PIGN: variants seen among roughly 807,000 people sequenced by gnomAD.
The protein encoded by PIGN is phosphatidylinositol glycan anchor biosynthesis class N, also known as GPI ethanolamine phosphate transferase 1.
Under a neutral mutation model 125.4 loss-of-function variants are expected in PIGN, and 117 were observed. The ratio of observed to expected loss-of-function variants is 0.93; its 90% CI spans 0.80 to 1.09. The LOEUF is 1.09. PIGN is among the 50% of genes least tolerant of loss of function. PIGN has a pLI of 0.00. For missense variants in PIGN, 1,075 were observed against 1,094.9 expected (o/e 0.98, Z 0.26); for synonymous variants, 392 against 377.8 (o/e 1.04, Z -0.44).
intron 28 of PIGN, among the ~76,000 whole-genome samples, chr18:62,079,192 A>T (rs1457172107): frequency 6.6e-6 from 1 of 152,218 alleles, no homozygotes; most frequent in Non-Finnish European, 1.5e-5. Context: ...TAAAGACCAT[A>T]TTAAGGTTTT....
chr18:62,119,002 C>T (rs1200427500), intron 14 of PIGN, among the ~76,000 whole-genome samples: 2 of 151,806 alleles, frequency 1.3e-5, no homozygotes, highest in African/African-American at 4.8e-5. Context: ...GTACAAGAGA[C>T]AAAAATTGGT....
At position 62,109,832 on chromosome 18, in the gene PIGN, A is replaced by G; in HGVS notation, c.1574+2T>C. On this transcript the variant is annotated splice_donor_variant, in intron 17 of 30. Transcript: ENST00000640252. LOFTEE classifies it high-confidence loss of function. ...AACAAGGCAGCAAGATGCATTACTT[A>G]CTCTCTTAGAACCGCATACCATATT... 1.9e-6 allele frequency: 3 copies of G among 1,596,944 alleles called. No homozygotes were observed. Among genetic ancestry groups the G allele is most frequent in the Non-Finnish European group, 2.6e-6 (3 of 1,170,618 alleles).
intron 14 of PIGN, among the ~76,000 whole-genome samples, chr18:62,132,471 T>TA (rs950383573): frequency 3.3e-5 from 5 of 152,176 alleles, no homozygotes; most frequent in African/African-American, 9.7e-5. Flanking sequence ...CCTAAATGAT[T>TA]AAAAAATAAT....
chr18:62,026,022 C>G lies in PIGN; in HGVS notation c.2143-8281G>C, dbSNP rs950958642. On this transcript the variant is annotated intron_variant, in intron 23 of 24. Coordinates refer to the PIGN transcript ENST00000639600. Reference sequence around the variant, plus strand: ...AATCTACCCAATCCCTGCACCTTGTCGGAAGTTATTGGTGTCCCTCCTGAG... The same window carrying G: ...AATCTACCCAATCCCTGCACCTTGTGGGAAGTTATTGGTGTCCCTCCTGAG... Among the ~76,000 whole-genome samples, 7 of 152,270 alleles carry G rather than the reference C, an allele frequency of 4.6e-5. No homozygotes were observed. The South Asian group carries it at 1.2e-3, about 27-fold the overall frequency.
chr18:62,093,659 C>T (rs1252461368), intron 23 of PIGN, among the ~76,000 whole-genome samples: 6 of 152,118 alleles, frequency 3.9e-5, no homozygotes, highest in Non-Finnish European at 7.4e-5. Flanking sequence ...AAAAATGAAT[C>T]TTCTTTATTC....
chr18:62,046,193 G>A (rs2030665683), intron 30 of PIGN, among the ~76,000 whole-genome samples: 1 of 152,106 alleles, frequency 6.6e-6, no homozygotes, highest in Admixed American at 6.5e-5. Flanking sequence ...CTGGTTCCAG[G>A]ACCTTCCACG....
intron 11 of PIGN, among the ~76,000 whole-genome samples, chr18:62,142,379 G>T (rs1409227436): frequency 6.6e-6 from 1 of 152,190 alleles, no homozygotes; most frequent in Non-Finnish European, 1.5e-5. Context: ...TTATGATCTG[G>T]TCTGGCTATG....
At chr18:62,112,658 A>ATT (rs1181246152) in intron 16 of PIGN, 1 of 153,642 alleles carries the variant, frequency 6.5e-6, no homozygotes, top group Non-Finnish European at 1.4e-5. Flanking sequence ...AAACTTCAAA[A>ATT]AGTTAAAAGA....
At chr18:62,140,773 T>A (rs985079860) in intron 11 of PIGN, among the ~76,000 whole-genome samples, 1 of 152,196 alleles carries the variant, frequency 6.6e-6, no homozygotes, top group Non-Finnish European at 1.5e-5. Context: ...ATGTAACAGT[T>A]TTTCAGTATT....
intron 30 of PIGN, among the ~76,000 whole-genome samples, chr18:62,068,959 C>CT (rs1418037442): frequency 6.6e-6 from 1 of 152,192 alleles, no homozygotes; most frequent in Non-Finnish European, 1.5e-5. Context: ...AGAGACTACT[C>CT]TAAAATTTCT....
rs558468654 is a variant in PIGN, at chr18:62,156,189, AAAC to A, written c.442+937_442+939del. On this transcript the variant is annotated intron_variant, in intron 6 of 30. Transcript: ENST00000640252. ...CCAATATTTGCAGAATCATGCATAT[AAAC>A]AATAAATCTAAATGCTACATTCAGT... Among the ~76,000 whole-genome samples, 361 of 152,356 alleles carry A rather than the reference AAAC, an allele frequency of 2.4e-3. 2 individuals are homozygous for A. Among genetic ancestry groups the A allele is most frequent in the African/African-American group, 8.2e-3 (341 of 41,580 alleles).
chr18:62,033,158 A>T (rs1349795025), intron 23 of PIGN, among the ~76,000 whole-genome samples: 1 of 152,204 alleles, frequency 6.6e-6, no homozygotes, highest in Non-Finnish European at 1.5e-5. Context: ...GAACCACTAT[A>T]TGGGGCCACC....
In PIGN at chr18:62,138,432, T is replaced by C. The variant is rs2147137040; in HGVS notation, c.1117-134A>G. ...ATAAATGGAATTTTATGTTACTATATTGTTTCATAAATATTTAAAGAAAAA... is the reference window on the plus strand; with the variant it reads ...ATAAATGGAATTTTATGTTACTATACTGTTTCATAAATATTTAAAGAAAAA... On this transcript the variant is annotated intron_variant, in intron 13 of 30. Transcript: ENST00000640252. 4 of 1,262,832 alleles carry C rather than the reference T, an allele frequency of 3.2e-6. No homozygotes were observed. In the East Asian group the frequency reaches 1.1e-4, roughly 35 times the overall value. 78.2% of individuals were successfully genotyped at this position (1,262,832 alleles called of 1,614,324 possible).
At chr18:62,054,683 G>T (rs980933834) in intron 30 of PIGN, among the ~76,000 whole-genome samples, 8 of 151,532 alleles carry the variant, frequency 5.3e-5, no homozygotes, top group African/African-American at 1.7e-4. Flanking sequence ...GTAGAGATGG[G>T]GTCTTGCCAT....
chr18:62,061,426 A>G (rs2032118369), intron 30 of PIGN, among the ~76,000 whole-genome samples: 1 of 130,880 alleles, frequency 7.6e-6, no homozygotes, highest in South Asian at 2.9e-4. Flanking sequence ...GCAAAAAAAA[A>G]AAGCAATAAA....
At chr18:62,080,762 C>A (rs1327017578) in intron 28 of PIGN, among the ~76,000 whole-genome samples, 7 of 152,090 alleles carry the variant, frequency 4.6e-5, no homozygotes, top group Non-Finnish European at 1.0e-4. Context: ...TTATGGGCTG[C>A]CAACCTCCAG....
At position 62,045,918 on chromosome 18, in the gene PIGN, C is replaced by T; in HGVS notation, c.2734G>A (p.Ala912Thr). The T allele has an allele frequency of 6.2e-7, 1 of 1,613,590 alleles. No homozygotes were observed. Among genetic ancestry groups the T allele is most frequent in the Non-Finnish European group, 8.5e-7 (1 of 1,179,680 alleles). Residue 912 changes from alanine to threonine, a missense_variant, in exon 31 of 31, where the codon GCC becomes ACC. Physicochemically the swap from Ala to Thr is moderately conservative, Grantham distance 58 (BLOSUM62 0). Transcript: ENST00000640252. ...TIFLVFLNGL[A>T]QLLTTKKLRL... is the part of the protein sequence containing the mutation. ...AGTTTCTTCGTTGTGAGCAGCTGGGCCAGGCCATTGAGGAACACCAAAAAG... is the reference window on the plus strand; with the variant it reads ...AGTTTCTTCGTTGTGAGCAGCTGGGTCAGGCCATTGAGGAACACCAAAAAG...
At chr18:62,146,384 C>T (rs2036329222) in intron 9 of PIGN, among the ~76,000 whole-genome samples, 1 of 152,120 alleles carries the variant, frequency 6.6e-6, no homozygotes, top group Middle Eastern at 3.2e-3. Flanking sequence ...ACCACCCAAG[C>T]TTGGGGCAAG....
intron 28 of PIGN, chr18:62,075,935 G>A (rs1323516858): frequency 6.6e-6 from 1 of 151,832 alleles, no homozygotes; most frequent in Non-Finnish European, 1.5e-5. Context: ...TTTCATTGTT[G>A]ATTTTTTTTT....
Sources: allele counts gnomAD v4.1 joint callset (sites outside exome capture counted in the v4.1 genomes callset), GRCh38; gene constraint gnomAD v4.1.1; transcripts MANE v1.5; gene names NCBI Gene and HGNC (gene_info 2026-07-23, HGNC 2026-07-21).